The following DOCK7 variants were observed in gnomAD, a reference collection of about 807,000 sequenced individuals.
DOCK7 encodes the protein dedicator of cytokinesis 7, also known as dedicator of cytokinesis protein 7.
Under a neutral mutation model 271.0 loss-of-function variants are expected in DOCK7, and 138 were observed. The observed-to-expected ratio is 0.51, with a 90% CI of 0.44 to 0.59. DOCK7 has a LOEUF of 0.59. Among genes scored for constraint, DOCK7 ranks in the 20% least tolerant of loss-of-function variants. The probability of loss-of-function intolerance (pLI) is 0.00; values close to 1 mark genes in which losing one functional copy is unlikely to be tolerated. For missense variants in DOCK7, 2,066 were observed against 2,592.4 expected (o/e 0.80, Z 4.41); for synonymous variants, 823 against 876.1 (o/e 0.94, Z 1.07).
chr1:62,465,759 C>T (rs1645658508), intron 48 of DOCK7, among the ~76,000 whole-genome samples: 1 of 152,092 alleles, frequency 6.6e-6, no homozygotes, highest in African/African-American at 2.4e-5. Flanking sequence ...AGCATCTTGG[C>T]CAGGCTGGTC....
At chr1:62,520,503 AT>A (rs1644815018) in intron 31 of DOCK7, among the ~76,000 whole-genome samples, 1 of 152,248 alleles carries the variant, frequency 6.6e-6, no homozygotes, top group Admixed American at 6.5e-5. Flanking sequence ...AAAAAAGCTC[AT>A]CATCACTGGT....
intron 22 of DOCK7, among the ~76,000 whole-genome samples, chr1:62,551,957 G>A (rs772786627): frequency 6.6e-6 from 1 of 151,788 alleles, no homozygotes; most frequent in African/African-American, 2.4e-5. Context: ...TGCTAAATGA[G>A]TCTTAATGTA....
At chr1:62,545,763 A>C (rs1315319468) in intron 22 of DOCK7, among the ~76,000 whole-genome samples, 1 of 152,158 alleles carries the variant, frequency 6.6e-6, no homozygotes, top group Non-Finnish European at 1.5e-5. Context: ...CTACTAAAGT[A>C]TATGTCCAGA....
chr1:62,629,628 T>G (rs1426684423), intron 11 of DOCK7: 1 of 152,200 alleles, frequency 6.6e-6, no homozygotes, highest in East Asian at 1.9e-4. Flanking sequence ...TACAAAAGTG[T>G]TCCAAGATGG....
rs1408906164 is a variant in DOCK7 at position 62,528,173 on chromosome 1, C to T, written c.3914G>A (p.Gly1305Asp). The T allele has an allele frequency of 1.2e-6, 2 of 1,612,058 alleles. No individual in the cohort carries two copies. Among genetic ancestry groups the T allele is most frequent in the African/African-American group, 1.3e-5 (1 of 74,822 alleles). Residue 1305 changes from glycine to aspartate, a missense_variant, in exon 31 of 50, where the codon GGC (glycine) becomes GAC (aspartate). By Grantham distance (94) the Gly-to-Asp change is moderately conservative (BLOSUM62 -1). This residue lies in a region of DOCK7 where 1,414 missense variants were observed against 1,670.4 expected (regional missense o/e 0.85). Transcript: ENST00000635253. ...GTSVPQLTRP[G>D]SFLLTSTSGR... is the part of the protein sequence containing the mutation. ...TACCGTTGACGTGAGGAGGAAACTG[C>T]CAGGCCTTGTTAGTTGAGGGACCGA...
intron 28 of DOCK7, among the ~76,000 whole-genome samples, chr1:62,537,578 T>A (rs1315997485): frequency 2.1e-5 from 2 of 93,718 alleles, no homozygotes; most frequent in Non-Finnish European, 4.2e-5. Flanking sequence ...ACAGCAAGAC[T>A]CTGTCTCAAA....
intron 41 of DOCK7, among the ~76,000 whole-genome samples, chr1:62,492,046 A>G (rs967534020): frequency 1.3e-5 from 2 of 151,990 alleles, no homozygotes; most frequent in African/African-American, 4.8e-5. Flanking sequence ...CCCCATCCCT[A>G]CAAAAAATAC....
chr1:62,576,065 T>A (rs1017540555), intron 18 of DOCK7, among the ~76,000 whole-genome samples: 1 of 152,204 alleles, frequency 6.6e-6, no homozygotes, highest in African/African-American at 2.4e-5. Context: ...CTACTGTCTT[T>A]ATTCATTAAT....
intron 14 of DOCK7, chr1:62,601,230 TA>T: frequency 7.3e-7 from 1 of 1,378,120 alleles, no homozygotes; most frequent in Non-Finnish European, 1.0e-6. Flanking sequence ...TTCTTGAAGC[TA>T]TTATTATCAA....
intron 14 of DOCK7, among the ~76,000 whole-genome samples, chr1:62,600,507 T>G (rs990249172): frequency 1.3e-5 from 2 of 151,792 alleles, no homozygotes; most frequent in Non-Finnish European, 3.0e-5. Flanking sequence ...TTCAATAAAT[T>G]GCAAACCCAA....
intron 34 of DOCK7, among the ~76,000 whole-genome samples, chr1:62,510,326 T>C (rs1644446817): frequency 6.6e-6 from 1 of 152,228 alleles, no homozygotes; most frequent in Non-Finnish European, 1.5e-5. Flanking sequence ...GCTGAATGCA[T>C]TTTCCAAGAG....
Position 62,537,904 on chromosome 1 carries a change from G to A in DOCK7, c.3458C>T (p.Ser1153Phe). Reference sequence around the variant, plus strand: ...CAATTTGCATACCTGAGATGTTGCAGAAGAAACAGAAGGTGATGGAGATGC... The same window carrying A: ...CAATTTGCATACCTGAGATGTTGCAAAAGAAACAGAAGGTGATGGAGATGC... ...PPASPSPSVS[S>F]ATSQSSGFST... Residue 1153 changes from serine (S) to phenylalanine (F), a missense_variant, in exon 28 of 50, where the codon TCT becomes TTT. Ser to Phe is a radical substitution (Grantham distance 155). Transcript: ENST00000635253. The A allele has an allele frequency of 6.2e-7, 1 of 1,613,382 alleles. No individual in the cohort carries two copies. Among genetic ancestry groups the A allele is most frequent in the Non-Finnish European group, 8.5e-7 (1 of 1,179,532 alleles).
At chr1:62,621,679 G>T (rs1261627424) in intron 12 of DOCK7, among the ~76,000 whole-genome samples, 1 of 151,988 alleles carries the variant, frequency 6.6e-6, no homozygotes, top group Admixed American at 6.5e-5. Flanking sequence ...AAAGCTTTTA[G>T]TTTTATTGAG....
At chr1:62,599,859 C>T (rs1649850871) in intron 14 of DOCK7, among the ~76,000 whole-genome samples, 1 of 150,294 alleles carries the variant, frequency 6.7e-6, no homozygotes, top group Admixed American at 6.6e-5. Flanking sequence ...AAAGCTATGT[C>T]AGAATCCATG....
At chr1:62,524,108 T>C (rs1226736746) in intron 31 of DOCK7, among the ~76,000 whole-genome samples, 1 of 152,104 alleles carries the variant, frequency 6.6e-6, no homozygotes, top group Admixed American at 6.6e-5. Flanking sequence ...AAATGGTCAA[T>C]CATACTTATG....
intron 1 of DOCK7, among the ~76,000 whole-genome samples, chr1:62,669,704 T>C (rs1230831729): frequency 1.3e-5 from 2 of 152,346 alleles, no homozygotes; most frequent in East Asian, 1.9e-4. Flanking sequence ...AACTTCATCT[T>C]ATTGAGAGGT....
intron 16 of DOCK7, 112 bp downstream of exon 16, chr1:62,583,072 C>A: frequency 1.2e-6 from 1 of 809,978 alleles, no homozygotes; most frequent in South Asian, 2.0e-5. Flanking sequence ...TGATGTCAGC[C>A]TTGAATTTGG....
chr1:62,644,705 T>C (rs1192573937), intron 7 of DOCK7, among the ~76,000 whole-genome samples: 1 of 152,186 alleles, frequency 6.6e-6, no homozygotes, highest in Non-Finnish European at 1.5e-5. Flanking sequence ...GGGAACAAAA[T>C]GTAAGAGAAA....
chr1:62,581,304 T>G (rs1280064719), intron 16 of DOCK7, among the ~76,000 whole-genome samples: 1 of 152,140 alleles, frequency 6.6e-6, no homozygotes, highest in South Asian at 2.1e-4. Flanking sequence ...TTATGTTTAG[T>G]AATAAAGCAG....
Sources: gnomAD v4.1 joint callset for allele counts (sites outside exome capture counted in the v4.1 genomes callset) on GRCh38, gnomAD v4.1.1 for gene constraint, gnomAD v4.1.1 regional missense constraint, MANE v1.5 for transcripts, NCBI Gene and HGNC (gene_info 2026-07-23, HGNC 2026-07-21) for gene names.